SH3TC2: variants seen among roughly 807,000 people sequenced by gnomAD.
The protein encoded by SH3TC2 is SH3 domain and tetratricopeptide repeats 2.
Under a neutral mutation model 124.5 loss-of-function variants are expected in SH3TC2, and 87 were observed. The ratio of observed to expected loss-of-function variants is 0.70; its 90% CI spans 0.59 to 0.84. SH3TC2 has a LOEUF of 0.84. Among genes scored for constraint, SH3TC2 ranks in the 40% least tolerant of loss-of-function variants. The probability of loss-of-function intolerance (pLI) is 0.00; values close to 1 mark genes in which losing one functional copy is unlikely to be tolerated. For synonymous variants in SH3TC2, 634 were observed against 628.5 expected (o/e 1.01, Z -0.13); for missense variants, 1,536 against 1,566.4 (o/e 0.98, Z 0.33).
At position 148,984,467 on chromosome 5, in the gene SH3TC2, GA is replaced by G. The variant is rs1292214508; in HGVS notation, c.*20243del. On this transcript the variant is annotated 3_prime_UTR_variant, in exon 17 of 17. Transcript: ENST00000515425. ...GTGACTTCCTGAAGAACTATATTGG[GA>G]AAAACCCTGGGGCCTTGTCTGGGCT... 6.6e-6 allele frequency among the ~76,000 whole-genome samples: 1 copy of G among 151,976 alleles called. No homozygotes were observed. Among genetic ancestry groups the G allele is most frequent in the African/African-American group, 2.4e-5 (1 of 41,366 alleles).
At chr5:149,019,162 G>C (rs1753927303) in intron 12 of SH3TC2, among the ~76,000 whole-genome samples, 1 of 152,176 alleles carries the variant, frequency 6.6e-6, no homozygotes, top group Admixed American at 6.5e-5. Context: ...TCTTTTGTCA[G>C]ACAGTGAGAA....
At chr5:149,032,206 T>G (rs949615021) in intron 8 of SH3TC2, among the ~76,000 whole-genome samples, 4 of 152,240 alleles carry the variant, frequency 2.6e-5, no homozygotes, top group Non-Finnish European at 5.9e-5. Flanking sequence ...TGTTAAGGTC[T>G]GATTCCATGG....
rs746168898 is a variant in SH3TC2 at position 149,026,858 on chromosome 5, A to G, written c.2872+2T>C. 6.2e-7 allele frequency: 1 copy of G among 1,614,088 alleles called. No homozygotes were observed. Among genetic ancestry groups the G allele is most frequent in the Non-Finnish European group, 8.5e-7 (1 of 1,180,024 alleles). On this transcript the variant is annotated splice_donor_variant, in intron 11 of 16. Transcript: ENST00000515425. LOFTEE classifies it high-confidence loss of function. Reference sequence around the variant, plus strand: ...CTTCCCAGCAGCATGGGACATACTTACTCTTTAGATGTCGATGCCTTAAGC... The same window carrying G: ...CTTCCCAGCAGCATGGGACATACTTGCTCTTTAGATGTCGATGCCTTAAGC...
At position 149,027,759 on chromosome 5, in the gene SH3TC2, C is replaced by T. The variant is rs138040787; in HGVS notation, c.1973G>A (p.Arg658His). The T allele has an allele frequency of 1.2e-4, 195 of 1,613,832 alleles. No individual in the cohort carries two copies. Among genetic ancestry groups the T allele is most frequent in the African/African-American group, 2.3e-4 (17 of 74,940 alleles). ...AGGGTGTCCAGAGAGGAGCTGCAGG[C>T]GCTCGGCAAAGGGCAGGACCTCCTC... ...RHEEVLPFAE[R>H]LQLLSGHPPA... Residue 658 changes from arginine to histidine, a missense_variant, in exon 11 of 17, where the codon CGC (arginine) becomes CAC (histidine). Transcript: ENST00000515425.
chr5:149,063,049 G>A lies in SH3TC2; in HGVS notation c.-27C>T. 6.3e-7 allele frequency: 1 copy of A among 1,584,956 alleles called. No individual in the cohort carries two copies. Among genetic ancestry groups the A allele is most frequent in the East Asian group, 2.3e-5 (1 of 43,528 alleles). ...TGTGTACCATCCTACCCTGGCCGAGGCCCTTGGGAACACAGGCCAGAAGAG... is the reference window on the plus strand; with the variant it reads ...TGTGTACCATCCTACCCTGGCCGAGACCCTTGGGAACACAGGCCAGAAGAG... On this transcript the variant is annotated 5_prime_UTR_variant, in exon 1 of 17. Coordinates refer to ENST00000515425, the MANE Select transcript of SH3TC2 (RefSeq NM_024577.4).
chr5:148,990,580 G>A lies in SH3TC2; in HGVS notation c.*14131C>T, dbSNP rs1448094058. 6.6e-6 allele frequency among the ~76,000 whole-genome samples: 1 copy of A among 152,070 alleles called. No individual in the cohort carries two copies. The highest frequency in any genetic ancestry group is 1.5e-5 in the Non-Finnish European group (1 of 68,014). ...CTGCCCCTGCTACTCACAAGCTATT[G>A]GACCTCAAACAAGTTACTGAACTTC... is the stretch of plus-strand genomic sequence containing the variant. On this transcript the variant is annotated 3_prime_UTR_variant, in exon 17 of 17. Coordinates refer to ENST00000515425, the MANE Select transcript of SH3TC2 (RefSeq NM_024577.4).
At chr5:149,019,234 C>T (rs1753928613) in intron 12 of SH3TC2, among the ~76,000 whole-genome samples, 2 of 152,152 alleles carry the variant, frequency 1.3e-5, no homozygotes, top group Admixed American at 6.5e-5. Context: ...ATTACAGTAA[C>T]CACCCCCGGG....
intron 8 of SH3TC2, among the ~76,000 whole-genome samples, chr5:149,033,120 CT>C (rs1754224976): frequency 1.3e-5 from 2 of 152,032 alleles, no homozygotes; most frequent in African/African-American, 4.8e-5. Context: ...CAGTGACATG[CT>C]AAGAATTGCA....
intron 5 of SH3TC2, 149 bp downstream of exon 5, chr5:149,042,545 T>C: frequency 1.1e-6 from 1 of 903,950 alleles, no homozygotes; most frequent in East Asian, 2.5e-5. Context: ...CTCAGAGGAA[T>C]GTTCAAAGTA....
chr5:149,006,049 G>A (rs1753683095), intron 16 of SH3TC2: 1 of 152,384 alleles, frequency 6.6e-6, no homozygotes, highest in Admixed American at 6.5e-5. Flanking sequence ...CAGATTGCTT[G>A]AGTCCAGCAG....
chr5:149,003,878 T>C lies in SH3TC2; in HGVS notation c.*833A>G, dbSNP rs1306839201. 16 of 371,000 alleles carry C rather than the reference T, an allele frequency of 4.3e-5. No homozygotes were observed. In the Admixed American group the frequency reaches 5.2e-4, roughly 12 times the overall value. The allele number at this position is 371,000 out of a possible 1,614,324, so 23.0% of individuals were successfully genotyped here. A position where few individuals can be genotyped will look rare whatever the true frequency, so the allele number is the denominator to read the frequency against. On this transcript the variant is annotated 3_prime_UTR_variant, in exon 17 of 17. Coordinates refer to ENST00000515425, the MANE Select transcript of SH3TC2 (RefSeq NM_024577.4). Reference sequence around the variant, plus strand: ...AAAAAAAAAAAAAAAAAAAGACATGTATTGGTATTCTCTCCCATCCATCAA... The same window carrying C: ...AAAAAAAAAAAAAAAAAAAGACATGCATTGGTATTCTCTCCCATCCATCAA...
chr5:149,046,463 A>C (rs1299896754), intron 3 of SH3TC2: 1 of 152,224 alleles, frequency 6.6e-6, no homozygotes, highest in Non-Finnish European at 1.5e-5. Context: ...AATTGGCAGC[A>C]TTTGTTTTCT....
intron 15 of SH3TC2, chr5:149,008,356 G>A (rs1265926815): frequency 7.5e-5 from 16 of 212,392 alleles, no homozygotes; most frequent in Non-Finnish European, 1.3e-4. Flanking sequence ...TTCTGAGTTA[G>A]GGTAATGGGA....
intron 15 of SH3TC2, 111 bp from the exon 16 acceptor site, chr5:149,007,188 G>T (rs1027950769): frequency 1.0e-6 from 1 of 976,554 alleles, no homozygotes; most frequent in Non-Finnish European, 1.6e-6. Context: ...CAGGGACTGT[G>T]CTGGGGCATA....
At chr5:149,039,265 C>A (rs529380431) in intron 7 of SH3TC2, among the ~76,000 whole-genome samples, 1 of 152,310 alleles carries the variant, frequency 6.6e-6, no homozygotes, top group South Asian at 2.1e-4. Context: ...CAGGTCTTCT[C>A]AAGAGCTTCA....
rs1339843088 is a variant in SH3TC2 at position 148,995,967 on chromosome 5, T to C, written c.*8744A>G. On this transcript the variant is annotated 3_prime_UTR_variant, in exon 17 of 17. Transcript: ENST00000515425. ...AGAAAAAAGAGACCAACTGGCCGGG[T>C]GCCATGGCTCACACCTGTTACCCCA... 6.6e-6 allele frequency among the ~76,000 whole-genome samples: 1 copy of C among 151,832 alleles called. No individual in the cohort carries two copies. The highest frequency in any genetic ancestry group is 2.4e-5 in the African/African-American group (1 of 41,296).
At position 149,003,462 on chromosome 5, in the gene SH3TC2, CA is replaced by C. The variant is rs1753629797; in HGVS notation, c.*1248del. ...CTAGCAAAAAACTGACTCCTAACAA[CA>C]GCTGTGTGGGTGAGCTTGGAAGCCC... On this transcript the variant is annotated 3_prime_UTR_variant, in exon 17 of 17. Coordinates refer to ENST00000515425, the MANE Select transcript of SH3TC2 (RefSeq NM_024577.4). 6.3e-6 allele frequency: 1 copy of C among 157,866 alleles called. No homozygotes were observed. The highest frequency in any genetic ancestry group is 1.4e-5 in the Non-Finnish European group (1 of 71,592). The allele number at this position is 157,866 out of a possible 1,614,324, so 9.8% of individuals were successfully genotyped here.
In SH3TC2 at chr5:148,986,315, T is replaced by C. The variant is rs964164055; in HGVS notation, c.*18396A>G. Among the ~76,000 whole-genome samples the C allele has an allele frequency of 2.0e-5, 3 of 152,224 alleles. No individual in the cohort carries two copies. The highest frequency in any genetic ancestry group is 6.5e-5 in the Admixed American group (1 of 15,280). Reference sequence around the variant, plus strand: ...GCTAGTGACTGTTCTAAAAACCTAATAGCACAAATCATGTGATTACTAAAT... The same window carrying C: ...GCTAGTGACTGTTCTAAAAACCTAACAGCACAAATCATGTGATTACTAAAT... On this transcript the variant is annotated 3_prime_UTR_variant, in exon 17 of 17. Transcript: ENST00000515425.
rs1342604899 is a variant in SH3TC2 at position 148,983,098 on chromosome 5, T to TAGTC, written c.*21609_*21612dup. Among the ~76,000 whole-genome samples, 71 of 152,358 alleles carry TAGTC rather than the reference T, an allele frequency of 4.7e-4. No homozygotes were observed. The highest frequency in any genetic ancestry group is 2.1e-4 in the South Asian group (1 of 4,822). ...AGCAGGTGTTTTAAATACCTCCTGCTAGTCTCACCTTCTGGGATCTAATCT... is the reference window on the plus strand; with the variant it reads ...AGCAGGTGTTTTAAATACCTCCTGCTAGTCAGTCTCACCTTCTGGGATCTAATCT... On this transcript the variant is annotated 3_prime_UTR_variant, in exon 17 of 17. Transcript: ENST00000515425.
Sources: gnomAD v4.1 joint callset for allele counts (sites outside exome capture counted in the v4.1 genomes callset) on GRCh38, gnomAD v4.1.1 for gene constraint, MANE v1.5 for transcripts, NCBI Gene and HGNC (gene_info 2026-07-23, HGNC 2026-07-21) for gene names.